The following ARSK variants were observed in gnomAD, a reference collection of about 807,000 sequenced individuals.
ARSK encodes the protein arylsulfatase K.
A neutral mutation model predicts 53.2 loss-of-function variants in ARSK; 37 were observed. That is an observed-to-expected ratio of 0.70 (90% CI 0.54 to 0.92). ARSK has a LOEUF of 0.92. Ranked by LOEUF, ARSK falls within the 40% of genes least tolerant of loss-of-function variation. The pLI is 0.00. For synonymous variants in ARSK, 208 were observed against 223.2 expected (o/e 0.93, Z 0.61); for missense variants, 613 against 643.0 (o/e 0.95, Z 0.51).
chr5:95,565,565 T>C lies in ARSK; in HGVS notation c.127-433T>C, dbSNP rs182105451. ...TGTCCTTCTGTATCTCGGATTTTTT[T>C]CAAAGCACACGTCATAATTTGTAAT... On this transcript the variant is annotated intron_variant, in intron 1 of 7. Coordinates refer to ENST00000380009, the MANE Select transcript of ARSK (RefSeq NM_198150.3). Among the ~76,000 whole-genome samples the C allele has an allele frequency of 2.5e-3, 388 of 152,318 alleles. 4 individuals carry two copies. Among genetic ancestry groups the C allele is most frequent in the African/African-American group, 9.1e-3 (377 of 41,564 alleles).
In ARSK at chr5:95,600,750, T is replaced by A. The variant is rs550751904; in HGVS notation, c.1097-97T>A. 2,266 of 1,212,058 alleles carry A rather than the reference T, an allele frequency of 1.9e-3. 6 individuals are homozygous for A. Among genetic ancestry groups the A allele is most frequent in the Non-Finnish European group, 2.5e-3 (2,048 of 827,338 alleles). The allele number at this position is 1,212,058 out of a possible 1,614,324, so 75.1% of individuals were successfully genotyped here. On this transcript the variant is annotated intron_variant, in intron 6 of 7. Coordinates refer to ENST00000380009, the MANE Select transcript of ARSK (RefSeq NM_198150.3). The stretch of plus-strand genomic sequence containing the variant: ...TACAATCTCCAGTCTCCATGGCATT[T>A]AATGGTATGAAAAAAATGTGAATGA...
At chr5:95,565,684 C>A (rs1478668252) in intron 1 of ARSK, among the ~76,000 whole-genome samples, 1 of 152,150 alleles carries the variant, frequency 6.6e-6, no homozygotes, top group Admixed American at 6.5e-5. Flanking sequence ...ACCATTGCAT[C>A]CTCAGATTTT....
At position 95,603,269 on chromosome 5, in the gene ARSK, G is replaced by A; in HGVS notation, c.1354G>A (p.Val452Ile). Reference protein sequence around the residue: ...LSSDPDELTNVAVKFPEITYS... With the variant: ...LSSDPDELTNIAVKFPEITYS... ...CTCGGATCCAGATGAATTAACAAAT[G>A]TTGCTGTAAAATTTCCAGAAATTAC... Residue 452 changes from valine (V) to isoleucine (I), a missense_variant, in exon 8 of 8, where the codon GTT (valine) becomes ATT (isoleucine). By Grantham distance (29) the Val-to-Ile change is conservative (BLOSUM62 3). Transcript: ENST00000380009. 1 of 1,588,176 alleles carries A rather than the reference G, an allele frequency of 6.3e-7. No individual in the cohort carries two copies. Among genetic ancestry groups the A allele is most frequent in the Middle Eastern group, 1.7e-4 (1 of 5,872 alleles).
intron 6 of ARSK, among the ~76,000 whole-genome samples, chr5:95,597,748 G>A (rs1749336137): frequency 1.3e-5 from 2 of 152,144 alleles, no homozygotes; most frequent in African/African-American, 4.8e-5. Flanking sequence ...ACAAAAATCA[G>A]CCAGGCGTGG....
intron 7 of ARSK, among the ~76,000 whole-genome samples, chr5:95,602,186 C>A (rs13162779): frequency 0.54 from 82,093 of 152,080 alleles, 25,964 homozygotes; most frequent in Non-Finnish European, 0.7. Context: ...ACTTTTTCAT[C>A]AGCCTTTTTC....
chr5:95,589,728 G>A (rs1407659568), intron 5 of ARSK, among the ~76,000 whole-genome samples: 1 of 152,184 alleles, frequency 6.6e-6, no homozygotes, highest in Non-Finnish European at 1.5e-5. Flanking sequence ...GAATAGTGCT[G>A]CAGTGAACAC....
intron 1 of ARSK, among the ~76,000 whole-genome samples, chr5:95,558,335 G>T (rs192346051): frequency 3.3e-5 from 5 of 152,246 alleles, no homozygotes; most frequent in African/African-American, 1.2e-4. Flanking sequence ...ACAAGCTTCT[G>T]CAAAGCAAGC....
chr5:95,572,397 AT>A (rs1748847442), intron 3 of ARSK, among the ~76,000 whole-genome samples: 1 of 152,218 alleles, frequency 6.6e-6, no homozygotes, highest in African/African-American at 2.4e-5. Context: ...TGCTTTATAA[AT>A]TTCTGATACT....
intron 4 of ARSK, among the ~76,000 whole-genome samples, chr5:95,584,314 T>G (rs1749071813): frequency 6.6e-6 from 1 of 152,206 alleles, no homozygotes; most frequent in Non-Finnish European, 1.5e-5. Flanking sequence ...ACCCAGTGAT[T>G]TATACTAAAG....
At chr5:95,586,485 T>G in intron 4 of ARSK, 77 bp from the exon 5 acceptor site, 1 of 1,143,788 alleles carries the variant, frequency 8.7e-7, no homozygotes, top group Non-Finnish European at 1.3e-6. Flanking sequence ...CATTGTTGAT[T>G]TCATCATACA....
At chr5:95,566,445 G>A (rs1206428006) in intron 2 of ARSK, among the ~76,000 whole-genome samples, 4 of 152,120 alleles carry the variant, frequency 2.6e-5, no homozygotes, top group Admixed American at 6.6e-5. Flanking sequence ...GAAGAGTTCT[G>A]TTTCCAGGGA....
At chr5:95,589,300 G>A (rs780427015) in intron 5 of ARSK, among the ~76,000 whole-genome samples, 3 of 152,242 alleles carry the variant, frequency 2.0e-5, no homozygotes, top group Non-Finnish European at 4.4e-5. Flanking sequence ...TTAAGTTCCA[G>A]GGTACATGTG....
At chr5:95,594,854 A>G (rs886590811) in intron 6 of ARSK, among the ~76,000 whole-genome samples, 16 of 152,148 alleles carry the variant, frequency 1.1e-4, no homozygotes, top group South Asian at 6.2e-4. Context: ...AAAAAAAAAA[A>G]AAAGAAAGAA....
intron 3 of ARSK, among the ~76,000 whole-genome samples, chr5:95,574,617 T>C (rs1748890713): frequency 6.6e-6 from 1 of 152,198 alleles, no homozygotes; most frequent in African/African-American, 2.4e-5. Context: ...TTTTCATATA[T>C]CTATTTGCCA....
chr5:95,586,700 T>TA lies in ARSK; in HGVS notation c.839dup (p.Tyr280Ter). The TA allele has an allele frequency of 1.2e-6, 2 of 1,611,344 alleles. No individual in the cohort carries two copies. The highest frequency in any genetic ancestry group is 1.7e-6 in the Non-Finnish European group (2 of 1,178,558). ...KEIKNIRAFY[Y>*]AMCAETDAML... ...AATTAAGAATATTAGAGCATTTTAT[T>TA]ATGCTATGTGTGCTGAGACAGATGC... Residue 280 changes from tyrosine (Y) to a stop codon, truncating the protein, a stop_gained and frameshift_variant, in exon 5 of 8, where the codon TAT becomes TAAT. Transcript: ENST00000380009. LOFTEE classifies it high-confidence loss of function.
rs201793336 is a variant in ARSK, at chr5:95,567,974, A to G, written c.341A>G (p.Asp114Gly). Reference protein sequence around the residue: ...GLDPNYTTWMDVMERHGYRTQ... With the variant: ...GLDPNYTTWMGVMERHGYRTQ... ...GATCCAAATTATACAACATGGATGG[A>G]TGTCATGGAGAGGCATGGCTACCGA... The change falls in exon 3 of 8, where the codon GAT (aspartate) becomes GGT (glycine). Residue 114 changes from aspartate to glycine, a missense_variant. Physicochemically the swap from Asp to Gly is moderately conservative, Grantham distance 94 (BLOSUM62 -1). Transcript: ENST00000380009. 1 of 1,613,858 alleles carries G rather than the reference A, an allele frequency of 6.2e-7. No individual in the cohort carries two copies. The highest frequency in any genetic ancestry group is 2.2e-5 in the East Asian group (1 of 44,860).
rs778318224 is a variant in ARSK at position 95,600,912 on chromosome 5, AC to A, written c.1163del (p.Thr388AsnfsTer17). ...GYSLLPLSSE[T>X]FKNEHKVKNL... The stretch of plus-strand genomic sequence containing the variant: ...CTCTTTGTTGCCGTTATCATCAGAA[AC>A]ATTTAAGAATGAACATAAAGTCAAA... On this transcript the variant is annotated frameshift_variant, in exon 7 of 8. Coordinates refer to ENST00000380009, the MANE Select transcript of ARSK (RefSeq NM_198150.3). LOFTEE classifies it high-confidence loss of function. 2.5e-6 allele frequency: 4 copies of A among 1,613,992 alleles called. No individual in the cohort carries two copies. The highest frequency in any genetic ancestry group is 1.7e-5 in the Admixed American group (1 of 59,998).
In ARSK at chr5:95,600,933, G is replaced by A; in HGVS notation, c.1183G>A (p.Val395Ile). The part of the protein sequence containing the change: ...SSETFKNEHK[V>I]KNLHPPWILS... ...AGAAACATTTAAGAATGAACATAAA[G>A]TCAAAAACCTGCATCCACCCTGGAT... The change falls in exon 7 of 8, where the codon GTC becomes ATC. Residue 395 changes from valine (V) to isoleucine (I), a missense_variant. Val to Ile is a conservative substitution (Grantham distance 29). Coordinates refer to ENST00000380009, the MANE Select transcript of ARSK (RefSeq NM_198150.3). 1 of 1,614,062 alleles carries A rather than the reference G, an allele frequency of 6.2e-7. No individual in the cohort carries two copies. The highest frequency in any genetic ancestry group is 1.1e-5 in the South Asian group (1 of 91,076).
intron 4 of ARSK, among the ~76,000 whole-genome samples, chr5:95,584,230 A>G (rs1449139431): frequency 6.6e-6 from 1 of 152,258 alleles, no homozygotes; most frequent in Non-Finnish European, 1.5e-5. Context: ...TGCATGTACC[A>G]GATAACTAAT....
Sources: gnomAD v4.1 joint callset for allele counts (sites outside exome capture counted in the v4.1 genomes callset) on GRCh38, gnomAD v4.1.1 for gene constraint, MANE v1.5 for transcripts, NCBI Gene and HGNC (gene_info 2026-07-23, HGNC 2026-07-21) for gene names.